The following ASTN2 variants were observed in gnomAD, a reference collection of about 807,000 sequenced individuals.
ASTN2 encodes astrotactin-2.
ASTN2 carries 54 observed loss-of-function variants against 139.8 expected under a neutral mutation model. The observed-to-expected ratio is 0.39, with a 90% CI of 0.31 to 0.48. The LOEUF (loss-of-function observed/expected upper bound fraction) is 0.48, where lower values mean the gene tolerates loss of function less well. Among genes scored for constraint, ASTN2 ranks in the 20% least tolerant of loss-of-function variants. ASTN2 has a pLI of 0.95. For synonymous variants in ASTN2, 756 were observed against 719.5 expected, an observed-to-expected ratio of 1.05 and a Z score of -0.81; for missense variants, 1,565 against 1,725.1, an observed-to-expected ratio of 0.91 and a Z score of 1.64.
At chr9:117,280,573 C>G (rs1834301755) in intron 2 of ASTN2, among the ~76,000 whole-genome samples, 1 of 152,050 alleles carries the variant, frequency 6.6e-6, no homozygotes, top group African/African-American at 2.4e-5. Context: ...CCAAGGAAAA[C>G]CAAGAGCTAC....
intron 19 of ASTN2, among the ~76,000 whole-genome samples, chr9:116,586,813 CACACACACACACATACAT>C (rs1372112669): frequency 1.2e-4 from 3 of 24,586 alleles, no homozygotes; most frequent in African/African-American, 3.9e-4. Context: ...AGTTGAAATT[CACACACACACACATACAT>C]ACACACACAC....
At chr9:117,180,631 T>TTC in intron 3 of ASTN2, 1 of 1,120,718 alleles carries the variant, frequency 8.9e-7, no homozygotes, top group East Asian at 3.0e-5. Context: ...GAGTATCTTT[T>TTC]TTTTTTTTTT....
At chr9:117,236,187 G>A (rs1239357458) in intron 2 of ASTN2, among the ~76,000 whole-genome samples, 2 of 152,226 alleles carry the variant, frequency 1.3e-5, no homozygotes, top group South Asian at 4.1e-4. Context: ...AAATAAACTC[G>A]GATGGAACTC....
intron 19 of ASTN2, among the ~76,000 whole-genome samples, chr9:116,487,718 C>T (rs556620620): frequency 2.6e-5 from 4 of 152,230 alleles, no homozygotes; most frequent in African/African-American, 7.2e-5. Context: ...AGTGGAAACA[C>T]TAATACCTAC....
intron 3 of ASTN2, among the ~76,000 whole-genome samples, chr9:117,199,483 G>A (rs1831629121): frequency 1.3e-5 from 2 of 152,076 alleles, no homozygotes; most frequent in Non-Finnish European, 2.9e-5. Flanking sequence ...TGGTCTATAT[G>A]TCTGTTTTGG....
intron 1 of ASTN2, among the ~76,000 whole-genome samples, chr9:117,315,303 C>T (rs1400339978): frequency 1.3e-5 from 2 of 152,170 alleles, no homozygotes; most frequent in Admixed American, 1.3e-4. Flanking sequence ...ATGACACAGC[C>T]GTGCCTATTT....
intron 16 of ASTN2, among the ~76,000 whole-genome samples, chr9:116,670,274 A>G (rs1859114200): frequency 6.6e-6 from 1 of 152,242 alleles, no homozygotes; most frequent in Admixed American, 6.5e-5. Flanking sequence ...GTAAGGAATC[A>G]ATAAACGCTA....
chr9:116,629,220 C>T (rs1856613840), intron 17 of ASTN2, among the ~76,000 whole-genome samples: 1 of 151,354 alleles, frequency 6.6e-6, no homozygotes. Context: ...CGGGTTCACG[C>T]CATTCTCCTG....
intron 19 of ASTN2, chr9:116,611,930 C>T (rs1378206222): frequency 1.3e-5 from 2 of 151,944 alleles, no homozygotes; most frequent in Non-Finnish European, 2.9e-5. Context: ...TTTGTGAGAC[C>T]AGAATGATCC....
intron 16 of ASTN2, among the ~76,000 whole-genome samples, chr9:116,706,008 G>GACTT (rs1246817127): frequency 1.3e-5 from 2 of 151,820 alleles, no homozygotes; most frequent in Admixed American, 1.3e-4. Flanking sequence ...TAGTTTATAT[G>GACTT]ACTTACTGCC....
chr9:116,697,237 T>TAATC (rs1199845604), intron 16 of ASTN2: 5 of 161,042 alleles, frequency 3.1e-5, no homozygotes, highest in Admixed American at 2.9e-4. Context: ...AATATGAAAA[T>TAATC]AATCATTAGC....
At chr9:116,709,086 G>A (rs371525037) in intron 16 of ASTN2, among the ~76,000 whole-genome samples, 155 of 152,236 alleles carry the variant, frequency 1.0e-3, no homozygotes, top group South Asian at 1.5e-3. Context: ...GGTTGTCACC[G>A]GCCCTCAGCC....
intron 19 of ASTN2, among the ~76,000 whole-genome samples, chr9:116,609,281 C>T (rs1162356159): frequency 6.8e-6 from 1 of 146,966 alleles, no homozygotes; most frequent in Non-Finnish European, 1.5e-5. Context: ...AGCTTAGAAT[C>T]AGTCAGAAAA....
At chr9:116,426,659 G>A (rs1240229460) in intron 22 of ASTN2, among the ~76,000 whole-genome samples, 2 of 152,092 alleles carry the variant, frequency 1.3e-5, no homozygotes, top group Non-Finnish European at 2.9e-5. Flanking sequence ...CTTTCTAACT[G>A]TCTGTGTTCT....
chr9:116,533,022 C>T (rs1851429885), intron 19 of ASTN2, among the ~76,000 whole-genome samples: 1 of 152,054 alleles, frequency 6.6e-6, no homozygotes, highest in African/African-American at 2.4e-5. Flanking sequence ...TGTTTGTGTC[C>T]TCTTTTATCT....
At chr9:117,404,861 A>G (rs376338353) in intron 1 of ASTN2, among the ~76,000 whole-genome samples, 1 of 152,158 alleles carries the variant, frequency 6.6e-6, no homozygotes, top group African/African-American at 2.4e-5. Context: ...GGGAAAAAAA[A>G]GAAGGAAAGG....
intron 10 of ASTN2, among the ~76,000 whole-genome samples, chr9:116,931,816 T>C (rs535396068): frequency 6.6e-6 from 1 of 152,018 alleles, no homozygotes; most frequent in African/African-American, 2.4e-5. Flanking sequence ...TGGTGTGGGG[T>C]TGAGTAATTT....
chr9:117,361,749 C>G (rs1389968278), intron 1 of ASTN2, among the ~76,000 whole-genome samples: 1 of 152,112 alleles, frequency 6.6e-6, no homozygotes, highest in Non-Finnish European at 1.5e-5. Context: ...TAAATTTTAT[C>G]TATACCAATC....
rs367944438 is a variant in ASTN2, at chr9:117,280,408, T to C, written c.630+10918A>G. Among the ~76,000 whole-genome samples the C allele has an allele frequency of 9.2e-5, 14 of 152,278 alleles. No homozygotes were observed. In the East Asian group the frequency reaches 1.9e-3, roughly 21 times the overall value. ...TTGGAAAAAAGGGTCTTTGCAGATG[T>C]AATTGAGTAAAAAAATCTTATGTAT... On this transcript the variant is annotated intron_variant, in intron 2 of 22. Transcript: ENST00000313400.
Sources: gnomAD v4.1 joint callset for allele counts (sites outside exome capture counted in the v4.1 genomes callset) on GRCh38, gnomAD v4.1.1 for gene constraint, MANE v1.5 for transcripts, NCBI Gene and HGNC (gene_info 2026-07-23, HGNC 2026-07-21) for gene names.